Variants in PEX3 observed in about 807,000 individuals in gnomAD.
PEX3 encodes the protein peroxisomal biogenesis factor 3, also known as peroxin-3.
A neutral mutation model predicts 55.8 loss-of-function variants in PEX3; 30 were observed. The observed-to-expected ratio is 0.54, with a 90% CI of 0.40 to 0.73. The LOEUF is 0.73. Ranked by LOEUF, PEX3 falls within the 30% of genes least tolerant of loss-of-function variation. PEX3 has a pLI of 0.00. For missense variants in PEX3, 351 were observed against 432.8 expected, an observed-to-expected ratio of 0.81 and a Z score of 1.68; for synonymous variants, 135 against 148.4, an observed-to-expected ratio of 0.91 and a Z score of 0.66.
rs1779897734 is a variant in PEX3, at chr6:143,459,958, CA to C, written c.205+746del. On this transcript the variant is annotated intron_variant, in intron 2 of 11. Transcript: ENST00000367591. The surrounding 1 kb of genome is among the most constrained non-coding windows in gnomAD (Gnocchi z 4.2). The stretch of plus-strand genomic sequence containing the variant: ...ACATAGTCCTGGGAGAATGCCATCA[CA>C]AAATCAACCTGCCCATATTTGAAGA... Among the ~76,000 whole-genome samples, 2 of 152,204 alleles carry C rather than the reference CA, an allele frequency of 1.3e-5. No individual in the cohort carries two copies. The highest frequency in any genetic ancestry group is 4.1e-4 in the South Asian group (2 of 4,828).
intron 1 of PEX3, among the ~76,000 whole-genome samples, chr6:143,452,258 A>G (rs146122880): frequency 1.3e-5 from 2 of 152,236 alleles, no homozygotes; most frequent in Non-Finnish European, 2.9e-5. Flanking sequence ...ATCACACATC[A>G]ATAATAAGCA....
At chr6:143,461,212 G>A (rs1779913834) in intron 2 of PEX3, among the ~76,000 whole-genome samples, 1 of 152,168 alleles carries the variant, frequency 6.6e-6, no homozygotes, top group African/African-American at 2.4e-5. Context: ...TGGTAGAGGA[G>A]ACCTGCAGAA....
chr6:143,480,937 G>A (rs1453302221), intron 10 of PEX3, among the ~76,000 whole-genome samples: 1 of 152,028 alleles, frequency 6.6e-6, no homozygotes, highest in Non-Finnish European at 1.5e-5. Flanking sequence ...ACCTGAGCCC[G>A]GGAAGTCAAG....
At chr6:143,477,277 T>C (rs1269954506) in intron 9 of PEX3, among the ~76,000 whole-genome samples, 1 of 152,178 alleles carries the variant, frequency 6.6e-6, no homozygotes, top group East Asian at 1.9e-4. Flanking sequence ...ACTTTAACAC[T>C]TTTTTATATA....
chr6:143,474,609 T>C (rs1780125702), intron 8 of PEX3, among the ~76,000 whole-genome samples, 177 bp from the exon 9 acceptor site: 1 of 152,178 alleles, frequency 6.6e-6, no homozygotes, highest in South Asian at 2.1e-4. Context: ...ATTCTACTTA[T>C]TTGCACACAT....
In PEX3 at chr6:143,454,727, G is replaced by T. The variant is rs964649770; in HGVS notation, c.73+3612G>T. Among the ~76,000 whole-genome samples the T allele has an allele frequency of 1.3e-5, 2 of 152,176 alleles. No homozygotes were observed. Among genetic ancestry groups the T allele is most frequent in the African/African-American group, 4.8e-5 (2 of 41,448 alleles). ...AGAAAGTGTGAAGATGTCAGGCAAA[G>T]CTCCATAAGGAAGAATTTCTGCTTA... On this transcript the variant is annotated intron_variant, in intron 1 of 11. Transcript: ENST00000367591. The surrounding 1 kb of genome is among the most constrained non-coding windows in gnomAD (Gnocchi z 4.3).
rs569885202 is a variant in PEX3 at position 143,453,351 on chromosome 6, TG to T, written c.73+2241del. Among the ~76,000 whole-genome samples, 10 of 152,178 alleles carry T rather than the reference TG, an allele frequency of 6.6e-5. No homozygotes were observed. The East Asian group carries it at 1.5e-3, about 24-fold the overall frequency. On this transcript the variant is annotated intron_variant, in intron 1 of 11. Transcript: ENST00000367591. This position sits in a 1 kb window ranked among gnomAD's most constrained non-coding sequence, Gnocchi z 4.6. ...GCAGAGAAGTTTGGGCATTCAATAG[TG>T]GGGGAAGTAAGTAAGTAAAACCTTG...
chr6:143,485,185 A>G lies in PEX3; in HGVS notation c.975A>G (p.Ile325Met), dbSNP rs757089364. 1.5e-5 allele frequency: 24 copies of G among 1,606,006 alleles called. 1 individual carries two copies. The South Asian group carries it at 2.5e-4, about 17-fold the overall frequency. ...GTGTCAGCCTGCCTTTAGCTAAGAT[A>G]ATTCCAATAGTAAACGGACAGATCC... ...LSSVSLPLAKIIPIVNGQIHS... is the reference protein window; with the variant it reads ...LSSVSLPLAKMIPIVNGQIHS... The change falls in exon 11 of 12, where the codon ATA (isoleucine) becomes ATG (methionine). Residue 325 changes from isoleucine to methionine, a missense_variant. Transcript: ENST00000367591. This position sits in a 1 kb window ranked among gnomAD's most constrained non-coding sequence, Gnocchi z 5.6.
chr6:143,468,808 C>CTCT (rs67049211), intron 4 of PEX3, among the ~76,000 whole-genome samples: 4,733 of 16,574 alleles, frequency 0.29, 366 homozygotes, highest in South Asian at 0.41. Flanking sequence ...CTATCCCCCC[C>CTCT]CCCCCCACCC....
chr6:143,474,071 G>A (rs1449330813), intron 8 of PEX3, among the ~76,000 whole-genome samples: 7 of 151,984 alleles, frequency 4.6e-5, no homozygotes, highest in Non-Finnish European at 1.0e-4. Flanking sequence ...GTTCGAGGTT[G>A]CCTAAGCTAT....
intron 7 of PEX3, 83 bp from the exon 8 acceptor site, chr6:143,472,073 TTAGA>T: frequency 3.3e-6 from 3 of 912,400 alleles, no homozygotes; most frequent in Non-Finnish European, 3.5e-6. Context: ...AAACAGGATT[TTAGA>T]TAGTAGCCTG....
rs1779756699 is a variant in PEX3 at position 143,451,197 on chromosome 6, G to A, written c.73+82G>A. ...TTCTTCTAAAATAAGGACAGGCCGGGCGATCCTAGTCTGGGATATGTAGAG... is the reference window on the plus strand; with the variant it reads ...TTCTTCTAAAATAAGGACAGGCCGGACGATCCTAGTCTGGGATATGTAGAG... On this transcript the variant is annotated intron_variant, in intron 1 of 11. Coordinates refer to ENST00000367591, the MANE Select transcript of PEX3 (RefSeq NM_003630.3). The surrounding 1 kb of genome is among the most constrained non-coding windows in gnomAD (Gnocchi z 4.1). The A allele has an allele frequency of 1.1e-5, 11 of 1,006,302 alleles. 1 individual carries two copies. Among genetic ancestry groups the A allele is most frequent in the Middle Eastern group, 4.3e-4 (2 of 4,634 alleles). The allele number at this position is 1,006,302 out of a possible 1,614,324, so 62.3% of individuals were successfully genotyped here. A position where few individuals can be genotyped will look rare whatever the true frequency, so the allele number is the denominator to read the frequency against.
At position 143,464,053 on chromosome 6, in the gene PEX3, ACCTT is replaced by A. The variant is rs1779959340; in HGVS notation, c.287+1066_287+1069del. Among the ~76,000 whole-genome samples the A allele has an allele frequency of 6.6e-6, 1 of 151,932 alleles. No homozygotes were observed. Among genetic ancestry groups the A allele is most frequent in the African/African-American group, 2.4e-5 (1 of 41,418 alleles). ...TTTCTTCATTCTTAGAGGTAGACAG[ACCTT>A]CCTTCCTTCTTACAGATATAAGGTT... On this transcript the variant is annotated intron_variant, in intron 3 of 11. Coordinates refer to ENST00000367591, the MANE Select transcript of PEX3 (RefSeq NM_003630.3). This position sits in a 1 kb window ranked among gnomAD's most constrained non-coding sequence, Gnocchi z 5.8.
rs1779883300 is a variant in PEX3, at chr6:143,459,021, G to A, written c.74-64G>A. The A allele has an allele frequency of 1.8e-6, 2 of 1,112,200 alleles. No homozygotes were observed. The highest frequency in any genetic ancestry group is 1.8e-5 in the Admixed American group (1 of 55,458). 68.9% of individuals were successfully genotyped at this position (1,112,200 alleles called of 1,614,324 possible). A position where few individuals can be genotyped will look rare whatever the true frequency, so the allele number is the denominator to read the frequency against. On this transcript the variant is annotated intron_variant, in intron 1 of 11. Coordinates refer to ENST00000367591, the MANE Select transcript of PEX3 (RefSeq NM_003630.3). The surrounding 1 kb of genome is among the most constrained non-coding windows in gnomAD (Gnocchi z 4.2). The stretch of plus-strand genomic sequence containing the variant: ...TAAAACTTATAATTGCATAAAGTAG[G>A]TTAAAAATACTGTGTAGAATTTTTG...
At chr6:143,478,621 C>A (rs1044171392) in intron 9 of PEX3, among the ~76,000 whole-genome samples, 1 of 152,070 alleles carries the variant, frequency 6.6e-6, no homozygotes, top group South Asian at 2.1e-4. Flanking sequence ...CAAAAAACCC[C>A]GGTCTCATGT....
At chr6:143,477,306 C>T (rs1207469302) in intron 9 of PEX3, among the ~76,000 whole-genome samples, 2 of 152,142 alleles carry the variant, frequency 1.3e-5, no homozygotes, top group Non-Finnish European at 2.9e-5. Flanking sequence ...TACTAAACTC[C>T]ATGAGACGAG....
intron 1 of PEX3, among the ~76,000 whole-genome samples, chr6:143,456,083 G>A: frequency 6.6e-6 from 1 of 152,212 alleles, no homozygotes; most frequent in South Asian, 2.1e-4. Flanking sequence ...AAGGTATTTA[G>A]TAAATATTTT....
chr6:143,466,074 G>A lies in PEX3; in HGVS notation c.288-2048G>A, dbSNP rs1378086572. Among the ~76,000 whole-genome samples the A allele has an allele frequency of 2.0e-5, 3 of 151,928 alleles. No homozygotes were observed. Among genetic ancestry groups the A allele is most frequent in the Admixed American group, 6.6e-5 (1 of 15,258 alleles). ...GATCCTTCCACTAGTGGTTTGAAAA[G>A]CACTAAACTACCTCCACATAGTACA... On this transcript the variant is annotated intron_variant, in intron 3 of 11. Transcript: ENST00000367591. This position sits in a 1 kb window ranked among gnomAD's most constrained non-coding sequence, Gnocchi z 5.4.
rs1268246564 is a variant in PEX3 at position 143,459,332 on chromosome 6, G to C, written c.205+116G>C. ...AAAGAAAAGATGGTAAATCTAGCAA[G>C]TGTTTGAATGATTTAACTGAATTAC... is the stretch of plus-strand genomic sequence containing the variant. On this transcript the variant is annotated intron_variant, in intron 2 of 11. Coordinates refer to ENST00000367591, the MANE Select transcript of PEX3 (RefSeq NM_003630.3). This position sits in a 1 kb window ranked among gnomAD's most constrained non-coding sequence, Gnocchi z 4.2. 2 of 850,524 alleles carry C rather than the reference G, an allele frequency of 2.4e-6. No individual in the cohort carries two copies. Among genetic ancestry groups the C allele is most frequent in the Non-Finnish European group, 4.0e-6 (2 of 503,136 alleles). The allele number at this position is 850,524 out of a possible 1,614,324, so 52.7% of individuals were successfully genotyped here. A position where few individuals can be genotyped will look rare whatever the true frequency, so the allele number is the denominator to read the frequency against.
Sources: gnomAD v4.1 joint callset for allele counts (sites outside exome capture counted in the v4.1 genomes callset) on GRCh38, gnomAD v4.1.1 for gene constraint, Gnocchi (gnomAD v3.1) non-coding constraint, MANE v1.5 for transcripts, NCBI Gene and HGNC (gene_info 2026-07-23, HGNC 2026-07-21) for gene names.